The following PHTF2 variants were observed in gnomAD, a reference collection of about 807,000 sequenced individuals.
PHTF2 encodes protein PHTF2.
In PHTF2, 60 loss-of-function variants were observed where a neutral mutation model predicts 101.2. That is an observed-to-expected ratio of 0.59 (90% CI 0.48 to 0.73). PHTF2 has a LOEUF of 0.73. Ranked by LOEUF, PHTF2 falls within the 30% of genes least tolerant of loss-of-function variation. The pLI is 0.00. For missense variants in PHTF2, 747 were observed against 908.7 expected (o/e 0.82, Z 2.29); for synonymous variants, 311 against 307.3 (o/e 1.01, Z -0.13).
intron 11 of PHTF2, among the ~76,000 whole-genome samples, chr7:77,924,871 T>C (rs1803813987): frequency 6.6e-6 from 1 of 152,186 alleles, no homozygotes; most frequent in Non-Finnish European, 1.5e-5. Context: ...GTGTAGACTT[T>C]CATTTAATCC....
intron 1 of PHTF2, among the ~76,000 whole-genome samples, chr7:77,812,844 C>T (rs1389675198): frequency 2.0e-5 from 3 of 152,246 alleles, no homozygotes; most frequent in Non-Finnish European, 4.4e-5. Flanking sequence ...CCACCTTGGC[C>T]TCCCAAAGTG....
At chr7:77,920,229 A>T (rs1457858380) in intron 9 of PHTF2, 50 bp from the exon 9 acceptor site, 1 of 987,454 alleles carries the variant, frequency 1.0e-6, no homozygotes. Context: ...TCAGTAACCT[A>T]TCCAAAATAA....
At chr7:77,853,317 C>T (rs1466883397) in intron 2 of PHTF2, among the ~76,000 whole-genome samples, 1 of 150,438 alleles carries the variant, frequency 6.6e-6, no homozygotes, top group African/African-American at 2.5e-5. Flanking sequence ...CTCACTAATT[C>T]TTTTTTCTGC....
chr7:77,933,315 G>C (rs1804781471), intron 12 of PHTF2, among the ~76,000 whole-genome samples: 1 of 152,202 alleles, frequency 6.6e-6, no homozygotes, highest in Non-Finnish European at 1.5e-5. Context: ...TGAAATGGTG[G>C]ATCTGGTGGC....
chr7:77,947,650 T>C (rs1806170350), intron 16 of PHTF2, among the ~76,000 whole-genome samples: 1 of 152,044 alleles, frequency 6.6e-6, no homozygotes, highest in Non-Finnish European at 1.5e-5. Flanking sequence ...TTGATTCTCC[T>C]GGGGGAATTG....
chr7:77,860,039 A>G (rs1462069202), intron 3 of PHTF2, among the ~76,000 whole-genome samples: 1 of 152,214 alleles, frequency 6.6e-6, no homozygotes, highest in Non-Finnish European at 1.5e-5. Flanking sequence ...TTTCACTTTT[A>G]AAAAACTGCA....
At chr7:77,861,737 A>T (rs1797661013) in intron 3 of PHTF2, among the ~76,000 whole-genome samples, 1 of 152,326 alleles carries the variant, frequency 6.6e-6, no homozygotes, top group Non-Finnish European at 1.5e-5. Context: ...AGCCTGGCCA[A>T]CATGGTGAAA....
chr7:77,916,333 A>G (rs770544233), intron 9 of PHTF2, among the ~76,000 whole-genome samples: 1 of 152,230 alleles, frequency 6.6e-6, no homozygotes, highest in Non-Finnish European at 1.5e-5. Flanking sequence ...TCTAAGTCTC[A>G]GTAACCTGTG....
intron 3 of PHTF2, among the ~76,000 whole-genome samples, chr7:77,877,311 G>T (rs1037109123): frequency 1.3e-5 from 2 of 151,820 alleles, no homozygotes; most frequent in East Asian, 3.9e-4. Context: ...TCACTGTGTC[G>T]GTCAGGCTGG....
At chr7:77,837,600 A>T (rs1246663884) in intron 1 of PHTF2, among the ~76,000 whole-genome samples, 2 of 152,194 alleles carry the variant, frequency 1.3e-5, no homozygotes, top group Non-Finnish European at 2.9e-5. Context: ...TTTAAACAGA[A>T]AATTCGTTGA....
At chr7:77,886,222 A>C (rs968542301) in intron 3 of PHTF2, among the ~76,000 whole-genome samples, 2 of 152,206 alleles carry the variant, frequency 1.3e-5, no homozygotes, top group African/African-American at 4.8e-5. Context: ...CCTAGGGGTA[A>C]TTAGATAGCC....
chr7:77,837,799 A>T (rs1231732427), intron 1 of PHTF2, among the ~76,000 whole-genome samples: 2 of 152,126 alleles, frequency 1.3e-5, no homozygotes, highest in Non-Finnish European at 2.9e-5. Flanking sequence ...TTTTTCTTTT[A>T]AAAAATACTA....
At chr7:77,863,168 G>A (rs1192838710) in intron 3 of PHTF2, among the ~76,000 whole-genome samples, 1 of 152,116 alleles carries the variant, frequency 6.6e-6, no homozygotes, top group African/African-American at 2.4e-5. Flanking sequence ...TTTGCTTTCT[G>A]TTTTTGGTGT....
intron 15 of PHTF2, among the ~76,000 whole-genome samples, chr7:77,942,292 T>C (rs1273594674): frequency 6.6e-6 from 1 of 152,228 alleles, no homozygotes; most frequent in Non-Finnish European, 1.5e-5. Flanking sequence ...TCTGTGATTA[T>C]TAACTTGATG....
At chr7:77,956,924 T>C (rs879294929) in exon 20 of PHTF2, 5 of 152,214 alleles carry the variant, frequency 3.3e-5, no homozygotes, top group Non-Finnish European at 7.4e-5. Context: ...CTCAACAGTT[T>C]ATAAATAATA....
intron 3 of PHTF2, among the ~76,000 whole-genome samples, chr7:77,877,565 C>T (rs953853060): frequency 6.6e-6 from 1 of 152,192 alleles, no homozygotes; most frequent in Non-Finnish European, 1.5e-5. Flanking sequence ...TCAGAACATA[C>T]TGCCATGTAC....
chr7:77,824,645 C>T (rs1730798176), intron 1 of PHTF2, among the ~76,000 whole-genome samples: 1 of 152,146 alleles, frequency 6.6e-6, no homozygotes, highest in Non-Finnish European at 1.5e-5. Context: ...TGGTCTTGAA[C>T]TCCTGACTTC....
chr7:77,825,850 G>A (rs1182649566), intron 1 of PHTF2, among the ~76,000 whole-genome samples: 3 of 152,084 alleles, frequency 2.0e-5, no homozygotes, highest in Non-Finnish European at 1.5e-5. Context: ...ACAAATATAG[G>A]AGAAAAATAA....
intron 1 of PHTF2, among the ~76,000 whole-genome samples, chr7:77,799,595 C>G (rs1040159301): frequency 6.6e-6 from 1 of 152,190 alleles, no homozygotes; most frequent in Non-Finnish European, 1.5e-5. Context: ...ATACCGTGCT[C>G]CATCAGCATG....
Sources: gnomAD v4.1 joint callset for allele counts (sites outside exome capture counted in the v4.1 genomes callset) on GRCh38, gnomAD v4.1.1 for gene constraint, MANE v1.5 for transcripts, NCBI Gene and HGNC (gene_info 2026-07-23, HGNC 2026-07-21) for gene names.